The following KLRG1 variants were observed in gnomAD, a reference collection of about 807,000 sequenced individuals.
The protein encoded by KLRG1 is killer cell lectin like receptor G1, also known as killer cell lectin-like receptor subfamily G member 1.
KLRG1 carries 16 observed loss-of-function variants against 21.8 expected under a neutral mutation model. The observed-to-expected ratio is 0.73, with a 90% CI of 0.50 to 1.11. The LOEUF (loss-of-function observed/expected upper bound fraction) is 1.11, where lower values mean the gene tolerates loss of function less well. Ranked by LOEUF, KLRG1 falls within the 50% of genes most tolerant of loss-of-function variation. The probability of loss-of-function intolerance (pLI) is 0.00; values close to 1 mark genes in which losing one functional copy is unlikely to be tolerated. For synonymous variants in KLRG1, 69 were observed against 75.9 expected, an observed-to-expected ratio of 0.91 and a Z score of 0.47; for missense variants, 173 against 218.3, an observed-to-expected ratio of 0.79 and a Z score of 1.31.
At chr12:9,113,452 C>T in the KLRG1 span, 3 of 1,613,938 alleles carry the variant, frequency 1.9e-6, no homozygotes, top group Non-Finnish European at 2.5e-6. Context: ...GAAGCACTTA[C>T]AGTCACTGTC....
At chr12:9,016,169 T>A in the KLRG1 span, among the ~76,000 whole-genome samples, 1 of 150,326 alleles carries the variant, frequency 6.7e-6, no homozygotes, top group Admixed American at 6.6e-5. Context: ...AGAGGAGAAG[T>A]AAATGAAATT....
chr12:9,188,493 A>T, the KLRG1 span, among the ~76,000 whole-genome samples: 2 of 152,196 alleles, frequency 1.3e-5, no homozygotes, highest in Non-Finnish European at 2.9e-5. Flanking sequence ...CACCACTCCT[A>T]TTGAACACAG....
intron 2 of KLRG1, 87 bp downstream of exon 2, chr12:8,992,397 A>T: frequency 1.1e-6 from 1 of 943,974 alleles, no homozygotes; most frequent in Admixed American, 2.4e-5. Context: ...AAATCAAAAA[A>T]TAATTCAAAC....
At chr12:9,168,872 C>T in the KLRG1 span, 1 of 1,610,908 alleles carries the variant, frequency 6.2e-7, no homozygotes, top group South Asian at 1.1e-5. Flanking sequence ...GTTTTACCTC[C>T]ATAGTATCCT....
the KLRG1 span, chr12:9,072,944 A>G: frequency 1.6e-6 from 2 of 1,269,732 alleles, no homozygotes; most frequent in South Asian, 2.7e-5. Context: ...TTTTTCAAAG[A>G]CCCATGTGAG....
At chr12:9,158,757 C>CTTTTT in the KLRG1 span, among the ~76,000 whole-genome samples, 1 of 125,432 alleles carries the variant, frequency 8.0e-6, no homozygotes, top group African/African-American at 3.0e-5. Flanking sequence ...CTTTTCTTTT[C>CTTTTT]TTTTTTTTTT....
the KLRG1 span, chr12:9,113,375 G>A: frequency 6.2e-7 from 1 of 1,613,510 alleles, no homozygotes; most frequent in Non-Finnish European, 8.5e-7. Flanking sequence ...AGGCGACACA[G>A]TGGAGTACGT....
the KLRG1 span, among the ~76,000 whole-genome samples, chr12:9,119,730 G>A: frequency 6.6e-6 from 1 of 152,298 alleles, no homozygotes; most frequent in East Asian, 1.9e-4. Flanking sequence ...CCAGAGGGAG[G>A]TCTCTGAAGG....
chr12:9,205,653 G>C, the KLRG1 span, among the ~76,000 whole-genome samples: 15 of 152,134 alleles, frequency 9.9e-5, no homozygotes, highest in African/African-American at 3.6e-4. Context: ...TATCTGCAGG[G>C]TTAGGCCATT....
chr12:9,202,699 A>AT, the KLRG1 span: 2 of 1,610,890 alleles, frequency 1.2e-6, no homozygotes, highest in Non-Finnish European at 1.7e-6. Context: ...AAAGCAAAGG[A>AT]TTTTTTACTA....
At chr12:9,153,045 C>T in the KLRG1 span, 1 of 1,604,576 alleles carries the variant, frequency 6.2e-7, no homozygotes, top group South Asian at 1.1e-5. Context: ...TTTTACTTTC[C>T]CAGGAAGGAA....
At chr12:9,074,062 T>C in the KLRG1 span, among the ~76,000 whole-genome samples, 1 of 138,138 alleles carries the variant, frequency 7.2e-6, no homozygotes, top group African/African-American at 2.8e-5. Context: ...CATTCCAGCC[T>C]AGGTGACAGA....
chr12:8,977,000 C>T (rs1315443039), intron 1 of KLRG1, among the ~76,000 whole-genome samples: 2 of 152,206 alleles, frequency 1.3e-5, no homozygotes, highest in South Asian at 2.1e-4. Context: ...ATCTACCCGC[C>T]TGGGCCTCCC....
the KLRG1 span, among the ~76,000 whole-genome samples, chr12:9,035,802 A>G: frequency 1.3e-5 from 2 of 152,338 alleles, no homozygotes; most frequent in Middle Eastern, 3.4e-3. Flanking sequence ...CTACACCATG[A>G]AATACTACAC....
the KLRG1 span, among the ~76,000 whole-genome samples, chr12:9,206,351 GA>G: frequency 6.6e-6 from 1 of 151,762 alleles, no homozygotes; most frequent in Non-Finnish European, 1.5e-5. Flanking sequence ...ATATTCTAAA[GA>G]ACTATTTTAT....
the KLRG1 span, chr12:9,058,234 T>A: frequency 1.3e-5 from 2 of 152,196 alleles, no homozygotes. Context: ...ATCTACCTTA[T>A]TTATCTATTA....
the KLRG1 span, chr12:9,111,568 A>G: frequency 1.3e-5 from 6 of 456,172 alleles, no homozygotes; most frequent in Non-Finnish European, 2.6e-5. Context: ...TGTGGGTATG[A>G]GAGAAAGAGA....
At chr12:9,065,100 C>CT in the KLRG1 span, 1 of 151,668 alleles carries the variant, frequency 6.6e-6, no homozygotes, top group African/African-American at 2.4e-5. Flanking sequence ...GACGTCATCC[C>CT]TGCCCCGGAC....
chr12:9,094,879 T>C, the KLRG1 span: 11 of 614,112 alleles, frequency 1.8e-5, no homozygotes, highest in East Asian at 3.1e-4. Flanking sequence ...ACATGTCCTT[T>C]TTGTTTGTTA....
Sources: gnomAD v4.1 joint callset for allele counts (sites outside exome capture counted in the v4.1 genomes callset) on GRCh38, gnomAD v4.1.1 for gene constraint, MANE v1.5 for transcripts, NCBI Gene and HGNC (gene_info 2026-07-23, HGNC 2026-07-21) for gene names.